DRICH1: variants seen among roughly 807,000 people sequenced by gnomAD.
DRICH1 encodes aspartate-rich protein 1.
In DRICH1, 38 loss-of-function variants were observed where a neutral mutation model predicts 39.5. That is an observed-to-expected ratio of 0.96 (90% confidence interval 0.74 to 1.26). The LOEUF (loss-of-function observed/expected upper bound fraction) is 1.26. DRICH1 is among the 50% of genes most tolerant of loss of function. The pLI, the probability that DRICH1 is intolerant of heterozygous loss-of-function variation, is 0.00. For synonymous variants in DRICH1, 84 were observed against 99.5 expected (o/e 0.84, Z 0.93); for missense variants, 279 against 270.4 (o/e 1.03, Z -0.22).
chr22:23,593,579 T>C, the DRICH1 span, among the ~76,000 whole-genome samples: 1 of 152,180 alleles, frequency 6.6e-6, no homozygotes, highest in Non-Finnish European at 1.5e-5. Flanking sequence ...GGCAGGCGAA[T>C]CACAAGGTCA....
At chr22:23,609,252 T>C (rs1926901654) in intron 11 of DRICH1, among the ~76,000 whole-genome samples, 1 of 152,222 alleles carries the variant, frequency 6.6e-6, no homozygotes, top group African/African-American at 2.4e-5. Flanking sequence ...TGACTGTTTA[T>C]CTGTGGAGTC....
chr22:23,596,100 GCA>G, the DRICH1 span, among the ~76,000 whole-genome samples: 2 of 152,130 alleles, frequency 1.3e-5, no homozygotes, highest in Non-Finnish European at 2.9e-5. Context: ...CATTTTTGCT[GCA>G]CACAGAGTCT....
intron 1 of DRICH1, among the ~76,000 whole-genome samples, chr22:23,629,386 G>GAT (rs1928260493): frequency 3.9e-5 from 6 of 152,128 alleles, no homozygotes; most frequent in African/African-American, 7.2e-5. Flanking sequence ...TGAGTCAGTG[G>GAT]CTGCTCATGC....
chr22:23,591,461 C>G, the DRICH1 span, among the ~76,000 whole-genome samples: 5 of 152,170 alleles, frequency 3.3e-5, no homozygotes, highest in African/African-American at 1.2e-4. Flanking sequence ...AAATGGTCTC[C>G]TGCCAGCCTT....
At chr22:23,581,201 A>T in the DRICH1 span, 3 of 152,240 alleles carry the variant, frequency 2.0e-5, no homozygotes, top group African/African-American at 7.2e-5. Context: ...GTTCATTCTT[A>T]TAGATTTCAC....
the DRICH1 span, among the ~76,000 whole-genome samples, chr22:23,600,107 T>A: frequency 2.0e-5 from 3 of 152,194 alleles, no homozygotes; most frequent in South Asian, 6.2e-4. Flanking sequence ...CAGTCTGAAG[T>A]CCTGTCCATG....
chr22:23,597,421 T>C, the DRICH1 span, among the ~76,000 whole-genome samples: 1 of 136,804 alleles, frequency 7.3e-6, no homozygotes, highest in Non-Finnish European at 1.5e-5. Flanking sequence ...GTGCATCTAT[T>C]GAGCCCTGGA....
rs564168193 is a variant in DRICH1, at chr22:23,621,680, G to A, written c.384+411C>T. On this transcript the variant is annotated intron_variant, in intron 4 of 11. Transcript: ENST00000317749. ...TGTAATACCAGCACTTTCGGAAGCC[G>A]AGGTGGGTGGATTACCTGCGGTCAG... Among the ~76,000 whole-genome samples, 7 of 152,294 alleles carry A rather than the reference G, an allele frequency of 4.6e-5. No individual in the cohort carries two copies. In the South Asian group the frequency reaches 1.2e-3, roughly 27 times the overall value.
chr22:23,623,158 A>G (rs1927868516), intron 3 of DRICH1, among the ~76,000 whole-genome samples: 1 of 152,218 alleles, frequency 6.6e-6, no homozygotes, highest in African/African-American at 2.4e-5. Flanking sequence ...TAATCCCAGC[A>G]CTTTTTGGGA....
Position 23,631,666 on chromosome 22 carries a change from C to T in DRICH1, c.208+150G>A, listed in dbSNP as rs1928394138. On this transcript the variant is annotated intron_variant, in intron 1 of 11. Transcript: ENST00000317749. The stretch of plus-strand genomic sequence containing the variant: ...CGACAAAGACAGGAGGCAGAGTCAG[C>T]CTTTGTCCCCCATGCCCAGACCTGG... The T allele has an allele frequency of 6.2e-6, 4 of 644,292 alleles. No homozygotes were observed. The African/African-American group carries it at 1.1e-4, about 17-fold the overall frequency. 39.9% of individuals were successfully genotyped at this position (644,292 alleles called of 1,614,324 possible).
At chr22:23,607,908 G>T (rs1481742686), downstream of DRICH1, among the ~76,000 whole-genome samples, 1 of 152,220 alleles carries the variant, frequency 6.6e-6, no homozygotes, top group African/African-American at 2.4e-5. Context: ...AAAGGTCACA[G>T]CAGGGGAGCT....
intron 5 of DRICH1, among the ~76,000 whole-genome samples, chr22:23,620,130 G>A (rs1336315326): frequency 6.6e-6 from 1 of 152,094 alleles, no homozygotes; most frequent in East Asian, 1.9e-4. Context: ...TCATCATGAT[G>A]ACATTAAACT....
the DRICH1 span, among the ~76,000 whole-genome samples, chr22:23,589,177 G>A: frequency 2.6e-5 from 4 of 151,878 alleles, no homozygotes; most frequent in Non-Finnish European, 2.9e-5. Flanking sequence ...CCAGCCAGGC[G>A]AGGTGGCTCA....
At chr22:23,617,534 A>G in intron 7 of DRICH1, 41 bp downstream of exon 7, 1 of 1,609,866 alleles carries the variant, frequency 6.2e-7, no homozygotes, top group Non-Finnish European at 8.5e-7. Context: ...TCACATCAGA[A>G]AACCAACATT....
At chr22:23,610,534 A>C (rs1241347556) in intron 11 of DRICH1, 10 of 152,154 alleles carry the variant, frequency 6.6e-5, no homozygotes, top group Admixed American at 6.5e-4. Context: ...TCCATGTGCT[A>C]CTGGGGTGCC....
At chr22:23,614,274 G>A in intron 8 of DRICH1, 60 bp from the exon 9 acceptor site, 1 of 1,243,368 alleles carries the variant, frequency 8.0e-7, no homozygotes, top group East Asian at 2.3e-5. Flanking sequence ...AGTCACTCGG[G>A]GAGCTTTGCT....
At chr22:23,591,705 A>C in the DRICH1 span, among the ~76,000 whole-genome samples, 1 of 152,206 alleles carries the variant, frequency 6.6e-6, no homozygotes, top group Admixed American at 6.5e-5. Flanking sequence ...GCTCAGGGAA[A>C]ATCACAGCTG....
chr22:23,600,907 C>T, the DRICH1 span, among the ~76,000 whole-genome samples: 1 of 152,016 alleles, frequency 6.6e-6, no homozygotes, highest in African/African-American at 2.4e-5. Flanking sequence ...CTCCTGACCT[C>T]GTGATCGACC....
At chr22:23,584,213 G>A in the DRICH1 span, among the ~76,000 whole-genome samples, 1 of 152,176 alleles carries the variant, frequency 6.6e-6, no homozygotes, top group Non-Finnish European at 1.5e-5. Context: ...AGAGGAGGCT[G>A]GGCCCTGCTG....
Sources: allele counts gnomAD v4.1 joint callset (sites outside exome capture counted in the v4.1 genomes callset), GRCh38; gene constraint gnomAD v4.1.1; transcripts MANE v1.5; gene names NCBI Gene and HGNC (gene_info 2026-07-23, HGNC 2026-07-21).